TTC39B: variants seen among roughly 807,000 people sequenced by gnomAD.
TTC39B encodes tetratricopeptide repeat domain 39B.
A neutral mutation model predicts 96.6 loss-of-function variants in TTC39B; 92 were observed. The ratio of observed to expected loss-of-function variants is 0.95; its 90% confidence interval spans 0.80 to 1.13. The LOEUF is 1.13. Among genes scored for constraint, TTC39B ranks in the 50% most tolerant of loss-of-function variants. TTC39B has a pLI of 0.00. For missense variants in TTC39B, 955 were observed against 809.3 expected (o/e 1.18, Z -2.18); for synonymous variants, 367 against 299.4 (o/e 1.23, Z -2.33).
intron 2 of TTC39B, among the ~76,000 whole-genome samples, chr9:15,243,969 C>A (rs540611682): frequency 6.6e-6 from 1 of 152,144 alleles, no homozygotes; most frequent in Non-Finnish European, 1.5e-5. Flanking sequence ...TCTCTTTCAG[C>A]AAAAGAAACT....
At chr9:15,187,097 A>G (rs905368249) in intron 14 of TTC39B, 62 bp from the exon 15 acceptor site, 1 of 1,247,852 alleles carries the variant, frequency 8.0e-7, no homozygotes, top group African/African-American at 1.5e-5. Flanking sequence ...TCTACCTTTC[A>G]AATCAGGAAT....
chr9:15,268,013 A>T, intron 1 of TTC39B, 65 bp from the exon 2 acceptor site: 1 of 1,503,560 alleles, frequency 6.7e-7, no homozygotes, highest in Non-Finnish European at 9.2e-7. Context: ...AAGAATTCTA[A>T]AAGAGAAAAT....
Position 15,177,780 on chromosome 9 carries a change from T to C in TTC39B, c.1758A>G (p.Leu586=), listed in dbSNP as rs148016922. ...GGCAACATCCTTTAAGTAACTTCAC[T>C]AAGCACTCATCATCCACAGAGAAGC... Residue 586 remains leucine, a synonymous_variant, in exon 18 of 20, where the codon TTA becomes TTG. Coordinates refer to ENST00000512701, the Ensembl canonical transcript of TTC39B. 1.5e-4 allele frequency: 245 copies of C among 1,612,278 alleles called. No individual in the cohort carries two copies. The African/African-American group carries it at 1.7e-3, about 11-fold the overall frequency.
chr9:15,261,332 C>G (rs1335062246), intron 2 of TTC39B, among the ~76,000 whole-genome samples: 3 of 151,952 alleles, frequency 2.0e-5, no homozygotes, highest in Admixed American at 2.0e-4. Context: ...TAAAATTAGC[C>G]AGGCGTGATG....
intron 2 of TTC39B, among the ~76,000 whole-genome samples, chr9:15,235,184 C>G (rs1056818372): frequency 2.0e-5 from 3 of 151,980 alleles, no homozygotes; most frequent in African/African-American, 7.3e-5. Context: ...TTAAAGACCT[C>G]CAATTCATAT....
chr9:15,250,744 A>G (rs888676777), intron 2 of TTC39B, among the ~76,000 whole-genome samples: 1 of 152,244 alleles, frequency 6.6e-6, no homozygotes, highest in African/African-American at 2.4e-5. Context: ...ACATAGTTCT[A>G]AAGTTCAGCT....
At chr9:15,215,121 GGT>G (rs1820435667) in intron 3 of TTC39B, among the ~76,000 whole-genome samples, 1 of 152,080 alleles carries the variant, frequency 6.6e-6, no homozygotes, top group Non-Finnish European at 1.5e-5. Context: ...CCAGGCATGT[GGT>G]GTGTGCCTGT....
intron 1 of TTC39B, among the ~76,000 whole-genome samples, chr9:15,281,907 A>G (rs1267586231): frequency 6.6e-6 from 1 of 151,942 alleles, no homozygotes; most frequent in Non-Finnish European, 1.5e-5. Context: ...CAAACTCCTG[A>G]CCTCAAGTGA....
intron 2 of TTC39B, among the ~76,000 whole-genome samples, chr9:15,248,224 T>C (rs1822371784): frequency 6.6e-6 from 1 of 152,188 alleles, no homozygotes; most frequent in South Asian, 2.1e-4. Flanking sequence ...CCACTAAGAC[T>C]ATGAGCTCCT....
At chr9:15,234,082 G>A (rs1158001732) in intron 2 of TTC39B, among the ~76,000 whole-genome samples, 38 of 143,270 alleles carry the variant, frequency 2.7e-4, no homozygotes, top group African/African-American at 7.3e-4. Context: ...CTGCCCGGCC[G>A]CGACCCCATC....
intron 2 of TTC39B, among the ~76,000 whole-genome samples, chr9:15,243,902 ATTTTC>A (rs1822158718): frequency 6.6e-6 from 1 of 152,148 alleles, no homozygotes; most frequent in Non-Finnish European, 1.5e-5. Context: ...CTCTAAAAAC[ATTTTC>A]TTTTCATTTA....
At chr9:15,260,618 G>A (rs1041115865) in intron 2 of TTC39B, among the ~76,000 whole-genome samples, 3 of 128,630 alleles carry the variant, frequency 2.3e-5, no homozygotes. Flanking sequence ...CTAACCTAAT[G>A]AGGGGAAAAA....
At position 15,175,118 on chromosome 9, in the gene TTC39B, T is replaced by C. The variant is rs1356647252; in HGVS notation, c.1859A>G (p.Tyr620Cys). The C allele has an allele frequency of 1.9e-6, 3 of 1,612,720 alleles. No homozygotes were observed. The South Asian group carries it at 3.3e-5, about 18-fold the overall frequency. Residue 620 changes from tyrosine to cysteine, a missense_variant, in exon 19 of 20, where the codon TAT becomes TGT. By Grantham distance (194) the Tyr-to-Cys change is radical. Coordinates refer to ENST00000512701, the Ensembl canonical transcript of TTC39B. ...AGTGAACGGCACTAGGTAGTGGTCA[T>C]ACTTCAGTAGCTTTTCACTGAAAGA...
At chr9:15,266,272 A>G (rs1823127301) in intron 2 of TTC39B, among the ~76,000 whole-genome samples, 1 of 152,118 alleles carries the variant, frequency 6.6e-6, no homozygotes, top group African/African-American at 2.4e-5. Flanking sequence ...TCATATAAAC[A>G]TGAAACTTTT....
chr9:15,207,054 T>G (rs1415203240), intron 6 of TTC39B, among the ~76,000 whole-genome samples: 1 of 152,212 alleles, frequency 6.6e-6, no homozygotes, highest in African/African-American at 2.4e-5. Context: ...TCCTGCCACC[T>G]TGTGAAGAAG....
chr9:15,277,021 G>A (rs1823569113), intron 1 of TTC39B, among the ~76,000 whole-genome samples: 1 of 152,196 alleles, frequency 6.6e-6, no homozygotes, highest in African/African-American at 2.4e-5. Flanking sequence ...CCGGGTGTGG[G>A]ATATTTACAG....
chr9:15,283,441 CA>C (rs1444258741), intron 1 of TTC39B, among the ~76,000 whole-genome samples: 2 of 152,204 alleles, frequency 1.3e-5, no homozygotes, highest in Non-Finnish European at 2.9e-5. Context: ...TTCTGTAAAA[CA>C]GGTGCAATTA....
At chr9:15,237,272 G>C (rs1303237640) in intron 2 of TTC39B, among the ~76,000 whole-genome samples, 1 of 152,166 alleles carries the variant, frequency 6.6e-6, no homozygotes. Flanking sequence ...CCAAGATCAT[G>C]CCACTGTATT....
intron 3 of TTC39B, among the ~76,000 whole-genome samples, chr9:15,225,442 T>A (rs1317692448): frequency 6.6e-6 from 1 of 152,044 alleles, no homozygotes; most frequent in South Asian, 2.1e-4. Context: ...AAAGAAATAA[T>A]CATAATATAA....
Sources: allele counts gnomAD v4.1 joint callset (sites outside exome capture counted in the v4.1 genomes callset), GRCh38; gene constraint gnomAD v4.1.1; transcripts MANE v1.5; gene names NCBI Gene and HGNC (gene_info 2026-07-23, HGNC 2026-07-21).